The following JAG2 variants were observed in gnomAD, a reference collection of about 807,000 sequenced individuals.
JAG2 encodes the protein protein jagged-2.
JAG2 carries 46 observed loss-of-function variants against 141.7 expected under a neutral mutation model. The ratio of observed to expected loss-of-function variants is 0.32; its 90% confidence interval spans 0.26 to 0.42. The LOEUF (loss-of-function observed/expected upper bound fraction) is 0.42. Among genes scored for constraint, JAG2 ranks in the 10% least tolerant of loss-of-function variants. The pLI is 1.00. For synonymous variants in JAG2, 862 were observed against 763.5 expected (o/e 1.13, Z -2.13); for missense variants, 1,500 against 1,817.5 (o/e 0.83, Z 3.18).
At position 105,155,825 on chromosome 14, in the gene JAG2, G is replaced by A. The variant is rs941391931; in HGVS notation, c.640C>T (p.Arg214Cys). ...GTGTAGTGGCCGAAAAAGTCGTTGC[G>A]GGGCCGGCAGAACTTGTTGCAAGTG... Reference protein sequence around the residue: ...SATCNKFCRPRNDFFGHYTCD... With the variant: ...SATCNKFCRPCNDFFGHYTCD... The change falls in exon 4 of 26, where the codon CGC becomes TGC. Residue 214 changes from arginine to cysteine, a missense_variant. By Grantham distance (180) the Arg-to-Cys change is radical (BLOSUM62 -3). Coordinates refer to ENST00000331782, the MANE Select transcript of JAG2 (RefSeq NM_002226.5). 6.2e-7 allele frequency: 1 copy of A among 1,612,684 alleles called. No individual in the cohort carries two copies. Among genetic ancestry groups the A allele is most frequent in the Non-Finnish European group, 8.5e-7 (1 of 1,179,836 alleles).
intron 7 of JAG2, 78 bp from the exon 8 acceptor site, chr14:105,151,817 G>A (rs999001556): frequency 7.5e-6 from 12 of 1,600,958 alleles, no homozygotes; most frequent in Admixed American, 1.7e-5. Flanking sequence ...CAAGCCCACA[G>A]GTTCCCAAGC....
intron 15 of JAG2, 148 bp from the exon 16 acceptor site, chr14:105,148,587 G>C: frequency 1.1e-6 from 1 of 880,140 alleles, no homozygotes; most frequent in South Asian, 1.6e-5. Context: ...CTCGGGCATG[G>C]GGGCAGCCTG....
chr14:105,145,657 C>T, intron 23 of JAG2, 74 bp downstream of exon 23: 1 of 1,536,140 alleles, frequency 6.5e-7, no homozygotes, highest in Non-Finnish European at 8.8e-7. Context: ...CCCTGCGGGG[C>T]TAGGCTTTCG....
intron 2 of JAG2, among the ~76,000 whole-genome samples, chr14:105,160,724 A>G (rs1157553983): frequency 6.6e-6 from 1 of 152,120 alleles, no homozygotes; most frequent in Non-Finnish European, 1.5e-5. Context: ...TTAGCCAGCC[A>G]TGGTGGCAGG....
At position 105,149,335 on chromosome 14, in the gene JAG2, G is replaced by A. The variant is rs757687140; in HGVS notation, c.1603-15C>T. 4.3e-6 allele frequency: 7 copies of A among 1,612,390 alleles called. No individual in the cohort carries two copies. Among genetic ancestry groups the A allele is most frequent in the Admixed American group, 1.7e-5 (1 of 60,008 alleles). ...TCGACATCCACCTGCAGGGTGGGGGGTGCCTGTGAGAGCCTAGGCCCAGGC... is the reference window on the plus strand; with the variant it reads ...TCGACATCCACCTGCAGGGTGGGGGATGCCTGTGAGAGCCTAGGCCCAGGC... On this transcript the variant is annotated splice_polypyrimidine_tract_variant and intron_variant, in intron 12 of 25. Coordinates refer to ENST00000331782, the MANE Select transcript of JAG2 (RefSeq NM_002226.5).
Position 105,143,559 on chromosome 14 carries a change from T to C in JAG2, c.3164A>G (p.Gln1055Arg), listed in dbSNP as rs759390792. The change falls in exon 25 of 26, where the codon CAG becomes CGG. Residue 1055 changes from glutamine (Q) to arginine (R), a missense_variant. By Grantham distance (43) the Gln-to-Arg change is conservative. Transcript: ENST00000331782. The part of the protein sequence containing the change: ...AAHAIVAAIT[Q>R]RGNSSLLLAV... ...CAGGAGCAGTGAGCTGTTCCCCCGC[T>C]GGGTGATGGCGGCCACGATGGCGTG... The C allele has an allele frequency of 6.2e-7, 1 of 1,601,354 alleles. No homozygotes were observed. The highest frequency in any genetic ancestry group is 8.5e-7 in the Non-Finnish European group (1 of 1,176,560).
chr14:105,151,715 G>T lies in JAG2; in HGVS notation c.1064C>A (p.Pro355Gln). 6.2e-7 allele frequency: 1 copy of T among 1,610,928 alleles called. No individual in the cohort carries two copies. The highest frequency in any genetic ancestry group is 8.5e-7 in the Non-Finnish European group (1 of 1,179,194). The change falls in exon 8 of 26, where the codon CCG becomes CAG. Residue 355 changes from proline to glutamine, a missense_variant. Physicochemically the swap from Pro to Gln is moderately conservative, Grantham distance 76. Around this residue, in one of 3 missense-constraint regions of JAG2, gnomAD observed 875 missense variants for 1,202.2 expected, o/e 0.73. Coordinates refer to ENST00000331782, the MANE Select transcript of JAG2 (RefSeq NM_002226.5). ...ATGGCAAGAGCCCCCGTTGGCACAC[G>T]GGTTGGAGGTGCAGGCGTGCTCAGC... ...EKAEHACTSN[P>Q]CANGGSCHEV... is the part of the protein sequence containing the mutation.
rs771398061 is a variant in JAG2 at position 105,142,403 on chromosome 14, T to G, written c.*292A>C. 1 of 393,680 alleles carries G rather than the reference T, an allele frequency of 2.5e-6. No individual in the cohort carries two copies. The highest frequency in any genetic ancestry group is 4.6e-6 in the Non-Finnish European group (1 of 217,084). 24.4% of individuals were successfully genotyped at this position (393,680 alleles called of 1,614,324 possible). ...AACCTCTGGTAACAAACGCTACGATTTGGTGACGACGCAGACACCCTTTGC... is the reference window on the plus strand; with the variant it reads ...AACCTCTGGTAACAAACGCTACGATGTGGTGACGACGCAGACACCCTTTGC... On this transcript the variant is annotated 3_prime_UTR_variant, in exon 26 of 26. Coordinates refer to ENST00000331782, the MANE Select transcript of JAG2 (RefSeq NM_002226.5).
At chr14:105,162,369 A>G (rs1888773170) in intron 2 of JAG2, among the ~76,000 whole-genome samples, 1 of 147,696 alleles carries the variant, frequency 6.8e-6, no homozygotes, top group Admixed American at 6.8e-5. Flanking sequence ...CTCAAGGCTA[A>G]GTCTAAACCC....
chr14:105,152,133 C>G, intron 6 of JAG2, 28 bp downstream of exon 6: 1 of 1,613,574 alleles, frequency 6.2e-7, no homozygotes, highest in Admixed American at 1.7e-5. Context: ...GATGGCAGAG[C>G]ATTAGGCCTG....
At chr14:105,162,974 G>C (rs1437603031) in intron 2 of JAG2, among the ~76,000 whole-genome samples, 1 of 151,696 alleles carries the variant, frequency 6.6e-6, no homozygotes, top group African/African-American at 2.4e-5. Flanking sequence ...GGCCCTGCAC[G>C]GTCAAGGCCA....
In JAG2 at chr14:105,149,378, G is replaced by A. The variant is rs587601994; in HGVS notation, c.1603-58C>T. On this transcript the variant is annotated intron_variant, in intron 12 of 25. Coordinates refer to ENST00000331782, the MANE Select transcript of JAG2 (RefSeq NM_002226.5). The stretch of plus-strand genomic sequence containing the variant: ...GCCCAGGCCCAGGCCGGGAACACAG[G>A]CCAGGCCTCTGTCCATACGAAGGTA... The A allele has an allele frequency of 3.9e-4, 626 of 1,605,810 alleles. 1 individual carries two copies. Among genetic ancestry groups the A allele is most frequent in the Non-Finnish European group, 5.1e-4 (598 of 1,174,310 alleles).
At position 105,168,596 on chromosome 14, in the gene JAG2, G is replaced by A. The variant is rs1889001171; in HGVS notation, c.-176C>T. The A allele has an allele frequency of 6.9e-6, 1 of 145,724 alleles. No individual in the cohort carries two copies. Among genetic ancestry groups the A allele is most frequent in the African/African-American group, 2.5e-5 (1 of 40,516 alleles). 9.0% of individuals were successfully genotyped at this position (145,724 alleles called of 1,614,324 possible). On this transcript the variant is annotated 5_prime_UTR_variant, in exon 1 of 26. Coordinates refer to ENST00000331782, the MANE Select transcript of JAG2 (RefSeq NM_002226.5). ...GTCGAGCGCAGCGCCGCGGCGCGCGGGCCTGGGCGGCGGGCGTGCAGGGGC... is the reference window on the plus strand; with the variant it reads ...GTCGAGCGCAGCGCCGCGGCGCGCGAGCCTGGGCGGCGGGCGTGCAGGGGC...
chr14:105,159,274 C>G (rs1164378848), intron 2 of JAG2, among the ~76,000 whole-genome samples: 1 of 152,044 alleles, frequency 6.6e-6, no homozygotes, highest in Non-Finnish European at 1.5e-5. Flanking sequence ...GGGGACGGCC[C>G]GAGGAGGCTC....
chr14:105,151,680 A>G lies in JAG2; in HGVS notation c.1099T>C (p.Ser367Pro), dbSNP rs1285129786. ...ANGGSCHEVP[S>P]GFECHCPSGW... ...GATGGGCAGTGGCATTCGAAGCCGG[A>G]CGGCACCTCATGGCAAGAGCCCCCG... The change falls in exon 8 of 26, where the codon TCC becomes CCC. Residue 367 changes from serine (S) to proline (P), a missense_variant. Coordinates refer to ENST00000331782, the MANE Select transcript of JAG2 (RefSeq NM_002226.5). 6.2e-7 allele frequency: 1 copy of G among 1,611,548 alleles called. No homozygotes were observed. Among genetic ancestry groups the G allele is most frequent in the South Asian group, 1.1e-5 (1 of 90,688 alleles).
intron 2 of JAG2, among the ~76,000 whole-genome samples, chr14:105,163,711 T>G (rs1888826904): frequency 6.7e-6 from 1 of 149,414 alleles, no homozygotes; most frequent in African/African-American, 2.5e-5. Flanking sequence ...GGACCCTGCT[T>G]AGGCCTCAGG....
chr14:105,153,772 G>A lies in JAG2; in HGVS notation c.789-1481C>T, dbSNP rs1888505794. 2.0e-5 allele frequency among the ~76,000 whole-genome samples: 3 copies of A among 152,228 alleles called. No homozygotes were observed. In the South Asian group the frequency reaches 6.2e-4, roughly 32 times the overall value. ...CATCTTCCTGCGGGTAAAGGGCAGG[G>A]ATGGCCAACTTCTCTGCTGCCTTCC... is the stretch of plus-strand genomic sequence containing the variant. On this transcript the variant is annotated intron_variant, in intron 5 of 25. Transcript: ENST00000331782.
Position 105,149,294 on chromosome 14 carries a change from G to A in JAG2, c.1629C>T (p.Ser543=). The change falls in exon 13 of 26, where the codon AGC becomes AGT. Residue 543 remains serine (S), a synonymous_variant. Transcript: ENST00000331782. The stretch of plus-strand genomic sequence containing the variant: ...AGCAGCGAGCGCCGTTCCGGCAGGG[G>A]CTTGGCTCACAAAGGTCGACATCCA... The part of the protein sequence containing the change: ...CEVDVDLCEP[S]PCRNGARCYN... 1.9e-6 allele frequency: 3 copies of A among 1,612,686 alleles called. No homozygotes were observed. Among genetic ancestry groups the A allele is most frequent in the Admixed American group, 1.7e-5 (1 of 60,032 alleles).
In JAG2 at chr14:105,151,633, A is replaced by C; in HGVS notation, c.1146T>G (p.Cys382Trp). 6.2e-7 allele frequency: 1 copy of C among 1,605,270 alleles called. No homozygotes were observed. Among genetic ancestry groups the C allele is most frequent in the African/African-American group, 1.3e-5 (1 of 75,000 alleles). ...TCACGTGCAGACACTCACCAAGGGC[A>C]CAGGTGGGCCCGCTCCAGCCCGATG... ...HCPSGWSGPT[C>W]ALDIDECASN... is the part of the protein sequence containing the mutation. Residue 382 changes from cysteine to tryptophan, a missense_variant, in exon 8 of 26, where the codon TGT (cysteine) becomes TGG (tryptophan). Cys to Trp is a radical substitution (Grantham distance 215, BLOSUM62 -2). Around this residue, in one of 3 missense-constraint regions of JAG2, gnomAD observed 875 missense variants for 1,202.2 expected, o/e 0.73. Coordinates refer to ENST00000331782, the MANE Select transcript of JAG2 (RefSeq NM_002226.5).
Sources: allele counts gnomAD v4.1 joint callset (sites outside exome capture counted in the v4.1 genomes callset), GRCh38; gene constraint gnomAD v4.1.1; regional missense constraint gnomAD v4.1.1; transcripts MANE v1.5; gene names NCBI Gene and HGNC (gene_info 2026-07-23, HGNC 2026-07-21).